The following NME5 variants were observed in gnomAD, a reference collection of about 807,000 sequenced individuals.
NME5 encodes nucleoside diphosphate kinase 5.
A neutral mutation model predicts 21.6 loss-of-function variants in NME5; 18 were observed. The observed-to-expected ratio is 0.83, with a 90% confidence interval of 0.58 to 1.24. The LOEUF (loss-of-function observed/expected upper bound fraction) is 1.24, where lower values mean the gene tolerates loss of function less well. NME5 is among the 50% of genes most tolerant of loss of function. The pLI is 0.00. For missense variants in NME5, 223 were observed against 255.4 expected, an observed-to-expected ratio of 0.87 and a Z score of 0.86; for synonymous variants, 70 against 80.6, an observed-to-expected ratio of 0.87 and a Z score of 0.71.
Position 138,129,309 on chromosome 5 carries a change from A to G in NME5, c.289T>C (p.Leu97=). The G allele has an allele frequency of 5.6e-6, 9 of 1,614,118 alleles. No individual in the cohort carries two copies. The highest frequency in any genetic ancestry group is 7.6e-6 in the Non-Finnish European group (9 of 1,180,018). The change falls in exon 3 of 6, where the codon TTG becomes CTG. Residue 97 remains leucine, a synonymous_variant. Coordinates refer to ENST00000265191, the MANE Select transcript of NME5 (RefSeq NM_003551.3). ...GCTACTAAGCTATTATTTGGTCCCAAAAGTTCTAACCAATAAGAGATGGCT... is the reference window on the plus strand; with the variant it reads ...GCTACTAAGCTATTATTTGGTCCCAGAAGTTCTAACCAATAAGAGATGGCT... ...HKAISYWLEL[L]GPNNSLVAKE... is the part of the protein sequence containing the mutation.
At chr5:138,125,591 A>G (rs962401809) in intron 4 of NME5, among the ~76,000 whole-genome samples, 1 of 152,084 alleles carries the variant, frequency 6.6e-6, no homozygotes, top group Non-Finnish European at 1.5e-5. Context: ...CCCCCCAGAA[A>G]AAAGGGAAAG....
At chr5:138,129,238 C>A in intron 3 of NME5, 25 bp downstream of exon 3, 1 of 1,480,174 alleles carries the variant, frequency 6.8e-7, no homozygotes, top group South Asian at 1.1e-5. Flanking sequence ...CCATTCCCTG[C>A]CATCCCCCAA....
chr5:138,122,474 GCCTA>G (rs1751309062), intron 4 of NME5, among the ~76,000 whole-genome samples: 1 of 114,264 alleles, frequency 8.8e-6, no homozygotes, highest in Non-Finnish European at 1.8e-5. Flanking sequence ...AAAAAATTGT[GCCTA>G]AATATTATAT....
rs773094281 is a variant in NME5, at chr5:138,118,801, A to G, written c.555+17T>C. The G allele has an allele frequency of 4.0e-6, 6 of 1,508,068 alleles. No homozygotes were observed. Among genetic ancestry groups the G allele is most frequent in the Non-Finnish European group, 5.5e-6 (6 of 1,083,924 alleles). 93.4% of individuals were successfully genotyped at this position (1,508,068 alleles called of 1,614,324 possible). Reference sequence around the variant, plus strand: ...CTGGTGACAATATTCTTAAGTGTGAATAAAAATATTTCTTACCAAAGGATC... The same window carrying G: ...CTGGTGACAATATTCTTAAGTGTGAGTAAAAATATTTCTTACCAAAGGATC... On this transcript the variant is annotated intron_variant, in intron 5 of 5. Coordinates refer to ENST00000265191, the MANE Select transcript of NME5 (RefSeq NM_003551.3).
At chr5:138,131,743 T>A (rs370474325) in intron 2 of NME5, among the ~76,000 whole-genome samples, 64 of 152,084 alleles carry the variant, frequency 4.2e-4, no homozygotes, top group Non-Finnish European at 6.2e-4. Context: ...TGCTTTTTTT[T>A]TTTTTTATTT....
chr5:138,121,809 C>T lies in NME5; in HGVS notation c.437-2873G>A, dbSNP rs374614975. ...TTTAAACTCAGCTTGTCAATGTCTA[C>T]GTAAAAGTATGCATGGACTTTTAAA... On this transcript the variant is annotated intron_variant, in intron 4 of 5. Coordinates refer to ENST00000265191, the MANE Select transcript of NME5 (RefSeq NM_003551.3). Among the ~76,000 whole-genome samples the T allele has an allele frequency of 2.2e-4, 34 of 152,126 alleles. 1 individual carries two copies. The Middle Eastern group carries it at 0.014, about 61-fold the overall frequency.
intron 4 of NME5, among the ~76,000 whole-genome samples, chr5:138,119,458 A>G (rs7732940): frequency 0.017 from 2,653 of 151,994 alleles, 30 homozygotes; most frequent in Non-Finnish European, 0.025. Flanking sequence ...TCGGCCTCCC[A>G]AAGTGCTAGG....
chr5:138,119,174 G>T (rs537687662), intron 4 of NME5, among the ~76,000 whole-genome samples: 1 of 151,746 alleles, frequency 6.6e-6, no homozygotes, highest in East Asian at 1.9e-4. Flanking sequence ...CTACAGGTCC[G>T]CATCACCACA....
At chr5:138,138,852 C>A in intron 1 of NME5, 67 bp from the exon 2 acceptor site, 4 of 1,400,332 alleles carry the variant, frequency 2.9e-6, no homozygotes, top group East Asian at 2.3e-5. Flanking sequence ...TTTCCCCCCA[C>A]CCCCATCGCA....
chr5:138,123,968 A>G (rs1478383617), intron 4 of NME5, among the ~76,000 whole-genome samples: 1 of 94,690 alleles, frequency 1.1e-5, no homozygotes, highest in African/African-American at 3.9e-5. Flanking sequence ...TTCCCTGATG[A>G]TTAGTGATTT....
At chr5:138,121,090 G>T (rs760946869) in intron 4 of NME5, among the ~76,000 whole-genome samples, 1 of 151,806 alleles carries the variant, frequency 6.6e-6, no homozygotes, top group Non-Finnish European at 1.5e-5. Context: ...TCCTTGAGAG[G>T]CTGAGGCAGT....
chr5:138,129,613 A>G (rs1191169709), intron 2 of NME5, 145 bp from the exon 3 acceptor site: 2 of 640,204 alleles, frequency 3.1e-6, no homozygotes, highest in Admixed American at 2.9e-5. Context: ...AAAGGATATA[A>G]TTAAATGTAT....
chr5:138,133,146 G>C (rs1451778533), intron 2 of NME5, among the ~76,000 whole-genome samples: 2 of 151,252 alleles, frequency 1.3e-5, no homozygotes, highest in African/African-American at 4.9e-5. Context: ...TGTCCTCCAG[G>C]CTTGAGTGCA....
At chr5:138,128,705 A>T (rs903845337) in intron 3 of NME5, 126 bp from the exon 4 acceptor site, 1 of 602,666 alleles carries the variant, frequency 1.7e-6, no homozygotes, top group Non-Finnish European at 2.9e-6. Context: ...TTCACAATTT[A>T]TGTCAAATTT....
At chr5:138,118,369 C>T (rs539108425) in intron 5 of NME5, among the ~76,000 whole-genome samples, 1 of 152,182 alleles carries the variant, frequency 6.6e-6, no homozygotes, top group Admixed American at 6.5e-5. Flanking sequence ...TAGTGATCCA[C>T]CCACCTCGGC....
intron 4 of NME5, among the ~76,000 whole-genome samples, chr5:138,128,062 G>T (rs1751475028): frequency 6.6e-6 from 1 of 152,038 alleles, no homozygotes; most frequent in Non-Finnish European, 1.5e-5. Flanking sequence ...AAAGATAAAA[G>T]AAAATTAGCT....
chr5:138,133,995 T>C (rs1316370076), intron 2 of NME5, among the ~76,000 whole-genome samples: 1 of 152,202 alleles, frequency 6.6e-6, no homozygotes, highest in Non-Finnish European at 1.5e-5. Flanking sequence ...GTTGTGTATA[T>C]TTTACCGCAA....
At chr5:138,135,470 G>A (rs1298989854) in intron 2 of NME5, among the ~76,000 whole-genome samples, 1 of 151,720 alleles carries the variant, frequency 6.6e-6, no homozygotes, top group Non-Finnish European at 1.5e-5. Context: ...CAGTAGCTGA[G>A]ATTACAGGCA....
At chr5:138,130,652 C>T (rs1406412539) in intron 2 of NME5, among the ~76,000 whole-genome samples, 4 of 151,924 alleles carry the variant, frequency 2.6e-5, no homozygotes, top group East Asian at 1.9e-4. Flanking sequence ...AGGCCAGGCG[C>T]GGTAGCTCAC....
Sources: gnomAD v4.1 joint callset for allele counts (sites outside exome capture counted in the v4.1 genomes callset) on GRCh38, gnomAD v4.1.1 for gene constraint, MANE v1.5 for transcripts, NCBI Gene and HGNC (gene_info 2026-07-23, HGNC 2026-07-21) for gene names.